COG6: variants seen among roughly 807,000 people sequenced by gnomAD.
The protein encoded by COG6 is component of oligomeric golgi complex 6, also known as conserved oligomeric Golgi complex subunit 6.
A neutral mutation model predicts 88.8 loss-of-function variants in COG6; 74 were observed. That is an observed-to-expected ratio of 0.83 (90% CI 0.69 to 1.01). COG6 has a LOEUF of 1.01. Among genes scored for constraint, COG6 ranks in the 50% least tolerant of loss-of-function variants. The probability of loss-of-function intolerance (pLI) is 0.00; values close to 1 mark genes in which losing one functional copy is unlikely to be tolerated. For synonymous variants in COG6, 286 were observed against 278.7 expected (o/e 1.03, Z -0.26); for missense variants, 800 against 797.9 (o/e 1.00, Z -0.03).
intron 18 of COG6, among the ~76,000 whole-genome samples, chr13:39,763,818 A>T (rs1881091217): frequency 1.3e-5 from 2 of 151,894 alleles, no homozygotes; most frequent in African/African-American, 2.4e-5. Flanking sequence ...ATATGATAAC[A>T]CTTCATTTAG....
intron 18 of COG6, among the ~76,000 whole-genome samples, chr13:39,734,820 T>C (rs1879647104): frequency 6.6e-6 from 1 of 152,210 alleles, no homozygotes; most frequent in Non-Finnish European, 1.5e-5. Context: ...TTATATCCTC[T>C]TGCTGAATTT....
At chr13:39,777,779 C>G (rs1452078092) in intron 18 of COG6, among the ~76,000 whole-genome samples, 3 of 152,106 alleles carry the variant, frequency 2.0e-5, no homozygotes, top group East Asian at 3.9e-4. Flanking sequence ...TTTCCATTTC[C>G]TTGATACTGA....
chr13:39,773,777 A>G (rs1264161923), intron 18 of COG6, among the ~76,000 whole-genome samples: 1 of 152,208 alleles, frequency 6.6e-6, no homozygotes, highest in African/African-American at 2.4e-5. Flanking sequence ...TCCTTAGAAT[A>G]AGAAATGCTT....
At chr13:39,713,583 A>C (rs1878360853) in intron 13 of COG6, among the ~76,000 whole-genome samples, 1 of 152,086 alleles carries the variant, frequency 6.6e-6, no homozygotes, top group African/African-American at 2.4e-5. Flanking sequence ...AAAATACAAA[A>C]AAATTAGCCG....
chr13:39,671,406 T>TG (rs1485981050), intron 4 of COG6, among the ~76,000 whole-genome samples: 2 of 152,020 alleles, frequency 1.3e-5, no homozygotes, highest in Non-Finnish European at 2.9e-5. Flanking sequence ...CTTTTTTTTT[T>TG]CTTCCTTTTT....
At position 39,751,188 on chromosome 13, in the gene COG6, TAC is replaced by T. The variant is rs1880608240; in HGVS notation, c.*97_*98del. 1.9e-6 allele frequency: 3 copies of T among 1,545,638 alleles called. No individual in the cohort carries two copies. Among genetic ancestry groups the T allele is most frequent in the Middle Eastern group, 1.8e-4 (1 of 5,428 alleles). On this transcript the variant is annotated 3_prime_UTR_variant, in exon 19 of 19. Coordinates refer to ENST00000455146, the MANE Select transcript of COG6 (RefSeq NM_020751.3). ...AATTTTTACTCTATAATTTGATAGT[TAC>T]AGTTTTCTTTGTATCATAAGATTGT...
intron 18 of COG6, among the ~76,000 whole-genome samples, chr13:39,773,136 TC>T: frequency 6.6e-6 from 1 of 152,186 alleles, no homozygotes; most frequent in Middle Eastern, 3.4e-3. Context: ...CTCTCCACCT[TC>T]CCTCCATCCT....
At position 39,785,815 on chromosome 13, in the gene COG6, G is replaced by A. The variant is rs118062453; in HGVS notation, c.1827-2520G>A. Reference sequence around the variant, plus strand: ...AACTAAATCCTTCAGATGAGAAATTGAAGCAGAAGGACCACTCCCAAATCA... The same window carrying A: ...AACTAAATCCTTCAGATGAGAAATTAAAGCAGAAGGACCACTCCCAAATCA... On this transcript the variant is annotated intron_variant, in intron 18 of 18. Transcript: ENST00000416691. Among the ~76,000 whole-genome samples the A allele has an allele frequency of 8.1e-3, 1,238 of 152,290 alleles. 9 individuals carry two copies. Among genetic ancestry groups the A allele is most frequent in the Non-Finnish European group, 0.012 (826 of 68,018 alleles).
rs1246166830 is a variant in COG6, at chr13:39,692,717, C to G, written c.1075-1917C>G. Reference sequence around the variant, plus strand: ...GGAGAGCCACTGTTCTGTCTTTTAGCTCTTCCCTACCTTCTCTGCTGTCAG... The same window carrying G: ...GGAGAGCCACTGTTCTGTCTTTTAGGTCTTCCCTACCTTCTCTGCTGTCAG... On this transcript the variant is annotated intron_variant, in intron 11 of 18. Transcript: ENST00000455146. 2.0e-5 allele frequency among the ~76,000 whole-genome samples: 3 copies of G among 152,174 alleles called. No homozygotes were observed. The East Asian group carries it at 5.8e-4, about 29-fold the overall frequency.
chr13:39,787,842 T>A (rs937157757), intron 18 of COG6, among the ~76,000 whole-genome samples: 1 of 152,202 alleles, frequency 6.6e-6, no homozygotes, highest in Non-Finnish European at 1.5e-5. Flanking sequence ...GGAAGATGTG[T>A]GTAGGTTATA....
At chr13:39,687,401 A>C in intron 8 of COG6, 102 bp from the exon 9 acceptor site, 1 of 1,039,476 alleles carries the variant, frequency 9.6e-7, no homozygotes, top group South Asian at 1.3e-5. Context: ...AGGAGCTTTA[A>C]GTGCTTTTTA....
chr13:39,772,767 ATCCT>A (rs1212344798), intron 18 of COG6, among the ~76,000 whole-genome samples: 2 of 152,174 alleles, frequency 1.3e-5, no homozygotes, highest in Non-Finnish European at 2.9e-5. Flanking sequence ...GGAAACAGAC[ATCCT>A]TCTTCCAATT....
chr13:39,699,414 C>T, intron 12 of COG6, 87 bp from the exon 13 acceptor site: 1 of 684,132 alleles, frequency 1.5e-6, no homozygotes, highest in Non-Finnish European at 2.7e-6. Flanking sequence ...TTATTTAAAT[C>T]TAGATCCTTT....
chr13:39,667,604 T>G (rs988874202), intron 4 of COG6, among the ~76,000 whole-genome samples: 10 of 152,334 alleles, frequency 6.6e-5, no homozygotes, highest in Admixed American at 3.9e-4. Flanking sequence ...AATCCAATCC[T>G]TTTGTGTTTA....
At chr13:39,702,898 C>A (rs1032233199) in intron 13 of COG6, among the ~76,000 whole-genome samples, 1 of 152,034 alleles carries the variant, frequency 6.6e-6, no homozygotes, top group Non-Finnish European at 1.5e-5. Context: ...ATGAGGTGCT[C>A]AATAAATACT....
rs148056135 is a variant in COG6 at position 39,728,212 on chromosome 13, G to A, written c.1826+664G>A. Among the ~76,000 whole-genome samples the A allele has an allele frequency of 5.3e-5, 8 of 152,132 alleles. No homozygotes were observed. The East Asian group carries it at 1.5e-3, about 29-fold the overall frequency. On this transcript the variant is annotated intron_variant, in intron 18 of 18. Coordinates refer to ENST00000455146, the MANE Select transcript of COG6 (RefSeq NM_020751.3). Reference sequence around the variant, plus strand: ...AGGAGTTAAGGCTTAAAAGACATTTGCACTGTTTTCACGGAGCTTATAACC... The same window carrying A: ...AGGAGTTAAGGCTTAAAAGACATTTACACTGTTTTCACGGAGCTTATAACC...
Position 39,751,914 on chromosome 13 carries a change from T to C in COG6, c.*821T>C, listed in dbSNP as rs1271738641. ...ATGGGTATTTGTCATACAATATGGG[T>C]CCTAAATCCAACCAACTACACATTT... On this transcript the variant is annotated 3_prime_UTR_variant, in exon 19 of 19. Transcript: ENST00000455146. The C allele has an allele frequency of 1.0e-5, 13 of 1,247,860 alleles. No homozygotes were observed. The South Asian group carries it at 1.5e-4, about 14-fold the overall frequency. The allele number at this position is 1,247,860 out of a possible 1,614,324, so 77.3% of individuals were successfully genotyped here. A position where few individuals can be genotyped will look rare whatever the true frequency, so the allele number is the denominator to read the frequency against.
chr13:39,773,871 C>CTTTTT (rs5803011), intron 18 of COG6, among the ~76,000 whole-genome samples: 1 of 144,806 alleles, frequency 6.9e-6, no homozygotes, highest in Admixed American at 6.9e-5. Context: ...GACATTTTTG[C>CTTTTT]TTTTTTTTTT....
rs201806513 is a variant in COG6 at position 39,699,567 on chromosome 13, A to G, written c.1233A>G (p.Lys411=). 6.8e-5 allele frequency: 108 copies of G among 1,594,590 alleles called. No homozygotes were observed. The African/African-American group carries it at 1.1e-3, about 16-fold the overall frequency. The change falls in exon 13 of 19, where the codon AAA becomes AAG. Residue 411 remains lysine (K), a synonymous_variant. Coordinates refer to ENST00000455146, the MANE Select transcript of COG6 (RefSeq NM_020751.3). ...TTIEEMHLLS[K]KIFFNSLSLH... is the part of the protein sequence containing the mutation. ...TTGAAGAAATGCATTTGCTAAGCAA[A>G]AAAATATTCTTCAATAGCTTGAGTC...
Sources: gnomAD v4.1 joint callset for allele counts (sites outside exome capture counted in the v4.1 genomes callset) on GRCh38, gnomAD v4.1.1 for gene constraint, MANE v1.5 for transcripts, NCBI Gene and HGNC (gene_info 2026-07-23, HGNC 2026-07-21) for gene names.